The following FANCA variants were observed in gnomAD, a reference collection of about 807,000 sequenced individuals.
FANCA encodes Fanconi anemia group A protein.
FANCA carries 236 observed loss-of-function variants against 194.3 expected under a neutral mutation model. That is an observed-to-expected ratio of 1.21 (90% CI 1.09 to 1.35). The LOEUF is 1.35. Among genes scored for constraint, FANCA ranks in the 40% most tolerant of loss-of-function variants. The probability of loss-of-function intolerance (pLI) is 0.00; values close to 1 mark genes in which losing one functional copy is unlikely to be tolerated. For missense variants in FANCA, 2,628 were observed against 1,813.9 expected, an observed-to-expected ratio of 1.45 and a Z score of -8.15; for synonymous variants, 1,014 against 715.8, an observed-to-expected ratio of 1.42 and a Z score of -6.65.
Position 89,770,016 on chromosome 16 carries a change from G to A in FANCA, c.2325C>T (p.Ser775=), listed in dbSNP as rs545765795. The change falls in exon 26 of 43, where the codon AGC becomes AGT. Residue 775 remains serine (S), a synonymous_variant. Coordinates refer to ENST00000389301, the MANE Select transcript of FANCA (RefSeq NM_000135.4). The part of the protein sequence containing the change: ...LCQLLRHQGP[S]LSAPHVLGLA... Reference sequence around the variant, plus strand: ...ACCCCAGCACATGTGGGGCACTCAGGCTCGGGCCCTGCAACGAGAATGAGG... The same window carrying A: ...ACCCCAGCACATGTGGGGCACTCAGACTCGGGCCCTGCAACGAGAATGAGG... 11 of 1,613,564 alleles carry A rather than the reference G, an allele frequency of 6.8e-6. No homozygotes were observed. The South Asian group carries it at 1.2e-4, about 18-fold the overall frequency.
At chr16:89,792,105 C>G in intron 12 of FANCA, 37 bp from the exon 13 acceptor site, 1 of 1,613,926 alleles carries the variant, frequency 6.2e-7, no homozygotes, top group South Asian at 1.1e-5. Context: ...AATATCCAAG[C>G]AAACCAATGT....
intron 30 of FANCA, among the ~76,000 whole-genome samples, chr16:89,753,793 G>A (rs929165482): frequency 1.3e-5 from 2 of 152,148 alleles, no homozygotes; most frequent in African/African-American, 2.4e-5. Flanking sequence ...GGTGGCTCAC[G>A]CCTGTAATCC....
chr16:89,754,675 G>C (rs751585462), intron 30 of FANCA, among the ~76,000 whole-genome samples: 7 of 151,892 alleles, frequency 4.6e-5, no homozygotes, highest in African/African-American at 1.7e-4. Context: ...GGCCAGACAC[G>C]ATCTTATATA....
chr16:89,766,316 C>A (rs752612210), intron 27 of FANCA, among the ~76,000 whole-genome samples: 28 of 151,868 alleles, frequency 1.8e-4, no homozygotes, highest in Non-Finnish European at 3.2e-4. Context: ...ATTTTATACA[C>A]GAGACGTTCA....
intron 5 of FANCA, 186 bp downstream of exon 5, chr16:89,810,521 A>C: frequency 1.6e-6 from 1 of 611,726 alleles, no homozygotes; most frequent in Non-Finnish European, 2.9e-6. Context: ...AGGGACAAAA[A>C]ATGGCAATTG....
At chr16:89,758,854 A>G in intron 29 of FANCA, 149 bp from the exon 30 acceptor site, 1 of 1,195,536 alleles carries the variant, frequency 8.4e-7, no homozygotes, top group South Asian at 1.3e-5. Flanking sequence ...AGTAGGGATG[A>G]GACCTCACTG....
chr16:89,758,288 G>T (rs1473117969), intron 30 of FANCA, among the ~76,000 whole-genome samples: 1 of 152,220 alleles, frequency 6.6e-6, no homozygotes, highest in Non-Finnish European at 1.5e-5. Flanking sequence ...AAATTGGACT[G>T]AGAGAAAAAT....
chr16:89,798,448 G>T, intron 10 of FANCA: 1 of 1,089,892 alleles, frequency 9.2e-7, no homozygotes, highest in Non-Finnish European at 1.1e-6. Context: ...TACTGTGAGG[G>T]ATGGGAAATG....
At chr16:89,746,433 G>T (rs917362040) in intron 35 of FANCA, 151 bp downstream of exon 35, 1 of 709,440 alleles carries the variant, frequency 1.4e-6, no homozygotes. Flanking sequence ...CTATGAGCTG[G>T]CATCTTTAAC....
At chr16:89,768,299 T>G (rs970611152) in intron 26 of FANCA, among the ~76,000 whole-genome samples, 18 of 152,204 alleles carry the variant, frequency 1.2e-4, no homozygotes, top group Non-Finnish European at 2.4e-4. Flanking sequence ...AAGCTCAGAA[T>G]GAGATTCCAT....
intron 17 of FANCA, among the ~76,000 whole-genome samples, chr16:89,780,305 G>C (rs901140203): frequency 4.6e-5 from 7 of 152,158 alleles, no homozygotes; most frequent in African/African-American, 1.7e-4. Context: ...GGAAGGAGTA[G>C]AGACTTAATT....
At chr16:89,793,519 A>G (rs2040146750) in intron 11 of FANCA, among the ~76,000 whole-genome samples, 1 of 152,166 alleles carries the variant, frequency 6.6e-6, no homozygotes, top group African/African-American at 2.4e-5. Context: ...TGGTATAACT[A>G]TTCTTGTTTT....
chr16:89,746,873 G>A lies in FANCA; in HGVS notation c.3366C>T (p.His1122=), dbSNP rs771815968. ...TGATGTCCTGTGTCAGGGCACCTCC[G>A]TGGGAGCAGAAGTTTCTCTGCAAAA... ...VNSEMRNFCS[H]GGALTQDITA... The change falls in exon 34 of 43, where the codon CAC becomes CAT. Residue 1122 remains histidine (H), a synonymous_variant. Transcript: ENST00000389301. 8 of 1,558,546 alleles carry A rather than the reference G, an allele frequency of 5.1e-6. No homozygotes were observed. Among genetic ancestry groups the A allele is most frequent in the Admixed American group, 3.8e-5 (2 of 52,088 alleles).
chr16:89,813,825 T>C (rs1313519095), intron 3 of FANCA, among the ~76,000 whole-genome samples: 3 of 151,958 alleles, frequency 2.0e-5, no homozygotes, highest in Non-Finnish European at 4.4e-5. Flanking sequence ...TGTGTGTGTG[T>C]GTGTGTGTCC....
Position 89,767,222 on chromosome 16 carries a change from T to C in FANCA, c.2520A>G (p.Ala840=). Reference sequence around the variant, plus strand: ...AAAACTTGCAGAGAGAGTAAGAAATTGCTGCTGTACAAAATCTGAAAACAG... The same window carrying C: ...AAAACTTGCAGAGAGAGTAAGAAATCGCTGCTGTACAAAATCTGAAAACAG... ...LFFCLKFCTA[A]ISYSLCKFSS... is the part of the protein sequence containing the mutation. Residue 840 remains alanine (A), a synonymous_variant, in exon 27 of 43, where the codon GCA becomes GCG. Coordinates refer to ENST00000389301, the MANE Select transcript of FANCA (RefSeq NM_000135.4). 1 of 1,612,140 alleles carries C rather than the reference T, an allele frequency of 6.2e-7. No individual in the cohort carries two copies. The highest frequency in any genetic ancestry group is 8.5e-7 in the Non-Finnish European group (1 of 1,178,316).
At position 89,748,671 on chromosome 16, in the gene FANCA, G is replaced by C. The variant is rs1249462859; in HGVS notation, c.3336C>G (p.Val1112=). The C allele has an allele frequency of 6.2e-7, 1 of 1,613,814 alleles. No homozygotes were observed. Among genetic ancestry groups the C allele is most frequent in the Non-Finnish European group, 8.5e-7 (1 of 1,179,772 alleles). Residue 1112 remains valine, a synonymous_variant, in exon 33 of 43, where the codon GTC becomes GTG. Coordinates refer to ENST00000389301, the MANE Select transcript of FANCA (RefSeq NM_000135.4). The part of the protein sequence containing the change: ...TARCEQFFHL[V]NSEMRNFCSH... ...ACGGGGCACCTACCATCTCAGAGTT[G>C]ACCAAGTGGAAGAACTGCTCGCATC...
In FANCA at chr16:89,799,146, G is replaced by C; in HGVS notation, c.893+20C>G. On this transcript the variant is annotated intron_variant, in intron 10 of 42. Transcript: ENST00000389301. Reference sequence around the variant, plus strand: ...CACCTCCCTGCTGCACACTCAGGCAGGCCACCCTCAGGAACATACCAGCAC... The same window carrying C: ...CACCTCCCTGCTGCACACTCAGGCACGCCACCCTCAGGAACATACCAGCAC... 6.2e-7 allele frequency: 1 copy of C among 1,614,168 alleles called. No individual in the cohort carries two copies. Among genetic ancestry groups the C allele is most frequent in the Non-Finnish European group, 8.5e-7 (1 of 1,180,036 alleles).
In FANCA at chr16:89,775,785, G is replaced by A. The variant is rs754522096; in HGVS notation, c.1857C>T (p.Ser619=). 2 of 1,612,594 alleles carry A rather than the reference G, an allele frequency of 1.2e-6. No individual in the cohort carries two copies. The highest frequency in any genetic ancestry group is 1.3e-5 in the African/African-American group (1 of 74,868). The change falls in exon 21 of 43, where the codon TCC becomes TCT. Residue 619 remains serine (S), a synonymous_variant. Transcript: ENST00000389301. ...CAGCAGAGCAGGCCTGGCAGTAGGT[G>A]GAGTACAGAGATGGGGGGATTTTAT... ...RADKIPPSLY[S]TYCQACSAAE...
At chr16:89,809,559 C>G (rs1179946962) in intron 5 of FANCA, among the ~76,000 whole-genome samples, 1 of 151,746 alleles carries the variant, frequency 6.6e-6, no homozygotes, top group African/African-American at 2.4e-5. Flanking sequence ...ACTAAAGATA[C>G]AAAAATTGGG....
Sources: gnomAD v4.1 joint callset for allele counts (sites outside exome capture counted in the v4.1 genomes callset) on GRCh38, gnomAD v4.1.1 for gene constraint, MANE v1.5 for transcripts, NCBI Gene and HGNC (gene_info 2026-07-23, HGNC 2026-07-21) for gene names.